The following DLG2 variants were observed in gnomAD, a reference collection of about 807,000 sequenced individuals.
The protein encoded by DLG2 is disks large homolog 2.
Under a neutral mutation model 132.5 loss-of-function variants are expected in DLG2, and 45 were observed. The ratio of observed to expected loss-of-function variants is 0.34; its 90% confidence interval spans 0.27 to 0.44. The LOEUF (loss-of-function observed/expected upper bound fraction) is 0.44, where lower values mean the gene tolerates loss of function less well. Ranked by LOEUF, DLG2 falls within the 20% of genes least tolerant of loss-of-function variation. The probability of loss-of-function intolerance (pLI) is 1.00; values close to 1 mark genes in which losing one functional copy is unlikely to be tolerated. For synonymous variants in DLG2, 424 were observed against 419.6 expected (o/e 1.01, Z -0.13); for missense variants, 1,045 against 1,196.9 (o/e 0.87, Z 1.87).
At chr11:83,467,829 T>A (rs12099211) in intron 25 of DLG2, among the ~76,000 whole-genome samples, 3 of 97,144 alleles carry the variant, frequency 3.1e-5, no homozygotes, top group African/African-American at 9.0e-5. Flanking sequence ...ACATATAAAA[T>A]ATATAATTAA....
At chr11:84,586,028 G>A (rs1229667219) in intron 6 of DLG2, among the ~76,000 whole-genome samples, 1 of 151,980 alleles carries the variant, frequency 6.6e-6, no homozygotes, top group Non-Finnish European at 1.5e-5. Flanking sequence ...GTGCATGCCT[G>A]TAATCCCAGC....
In DLG2 at chr11:84,174,014, C is replaced by CTTTTTTTTTTTTTT. The variant is rs11338428; in HGVS notation, c.574-10517_574-10504dup. On this transcript the variant is annotated intron_variant, in intron 8 of 27. Transcript: ENST00000376104. ...CTGAGTTTTGACTTCACCCCCCGGCCTTTTTTTTTTTTTTTTTTTTTTCTG... is the reference window on the plus strand; with the variant it reads ...CTGAGTTTTGACTTCACCCCCCGGCCTTTTTTTTTTTTTTTTTTTTTTTTTTTTTTTTTTTTCTG... 1.0e-3 allele frequency among the ~76,000 whole-genome samples: 62 copies of CTTTTTTTTTTTTTT among 61,200 alleles called. 8 individuals carry two copies. The highest frequency in any genetic ancestry group is 2.1e-3 in the African/African-American group (33 of 15,360). The allele number at this position is 61,200 out of a possible 152,430, so 40.1% of individuals were successfully genotyped here.
chr11:83,929,518 A>T (rs2079739681), intron 15 of DLG2, among the ~76,000 whole-genome samples: 1 of 152,200 alleles, frequency 6.6e-6, no homozygotes. Context: ...TATCATATAT[A>T]GGCTTTGGAA....
chr11:85,501,950 G>A (rs753336468), intron 3 of DLG2, among the ~76,000 whole-genome samples: 8 of 151,972 alleles, frequency 5.3e-5, no homozygotes, highest in East Asian at 3.9e-4. Context: ...ATCATTCTAC[G>A]ATAAAGACAC....
intron 7 of DLG2, among the ~76,000 whole-genome samples, chr11:84,377,831 A>C (rs77056013): frequency 0.018 from 2,724 of 152,298 alleles, 82 homozygotes; most frequent in South Asian, 0.13. Flanking sequence ...AAATAAATCC[A>C]GAGGTGGAAC....
chr11:85,508,342 G>A (rs1301807072), intron 3 of DLG2, among the ~76,000 whole-genome samples: 1 of 151,942 alleles, frequency 6.6e-6, no homozygotes, highest in Admixed American at 6.6e-5. Flanking sequence ...TCTACACCAT[G>A]TACACTCCTG....
intron 11 of DLG2, among the ~76,000 whole-genome samples, chr11:84,050,792 T>C (rs1202245360): frequency 1.3e-5 from 2 of 151,990 alleles, no homozygotes; most frequent in African/African-American, 2.4e-5. Context: ...CCCCATTTCT[T>C]GTTTTTGTCA....
chr11:83,511,516 C>A (rs532697661), intron 21 of DLG2, among the ~76,000 whole-genome samples: 3 of 152,176 alleles, frequency 2.0e-5, no homozygotes, highest in African/African-American at 7.2e-5. Flanking sequence ...CTGTTACCTC[C>A]ATCATAGGCT....
At chr11:85,099,468 A>G (rs1164367312) in intron 6 of DLG2, among the ~76,000 whole-genome samples, 1 of 152,228 alleles carries the variant, frequency 6.6e-6, no homozygotes. Flanking sequence ...TGATATAGAT[A>G]ATTTATAAGT....
At chr11:84,322,200 A>C (rs1267145939) in intron 7 of DLG2, among the ~76,000 whole-genome samples, 4 of 152,230 alleles carry the variant, frequency 2.6e-5, no homozygotes, top group Non-Finnish European at 4.4e-5. Flanking sequence ...TCTACTTCTC[A>C]GTGTAAAATC....
At chr11:84,552,949 T>C (rs2099404797) in intron 6 of DLG2, among the ~76,000 whole-genome samples, 1 of 152,178 alleles carries the variant, frequency 6.6e-6, no homozygotes, top group Admixed American at 6.5e-5. Context: ...CTTGCTAAAG[T>C]ACTATCTCTT....
chr11:84,648,370 T>C (rs2099677391), intron 6 of DLG2, among the ~76,000 whole-genome samples: 1 of 152,194 alleles, frequency 6.6e-6, no homozygotes, highest in African/African-American at 2.4e-5. Context: ...GGATTCAGAA[T>C]GAATGCTAGT....
chr11:84,918,927 C>CTT (rs2092626731), intron 6 of DLG2, among the ~76,000 whole-genome samples: 1 of 152,120 alleles, frequency 6.6e-6, no homozygotes, highest in South Asian at 2.1e-4. Flanking sequence ...CTACTGTGTA[C>CTT]TTAGCATTGT....
At chr11:85,454,746 T>C (rs2092364985) in intron 3 of DLG2, among the ~76,000 whole-genome samples, 1 of 152,208 alleles carries the variant, frequency 6.6e-6, no homozygotes, top group Non-Finnish European at 1.5e-5. Flanking sequence ...ATCTTCTGAA[T>C]ATTGCTAGCC....
chr11:84,690,431 G>A (rs2057895050), intron 6 of DLG2, among the ~76,000 whole-genome samples: 1 of 150,846 alleles, frequency 6.6e-6, no homozygotes. Context: ...GGAATAAATT[G>A]TATTTAAAAA....
intron 3 of DLG2, among the ~76,000 whole-genome samples, chr11:85,354,081 G>T (rs780348391): frequency 6.6e-6 from 1 of 150,974 alleles, no homozygotes; most frequent in Non-Finnish European, 1.5e-5. Context: ...TGTATGCCTA[G>T]GTCCTCTCGC....
At chr11:85,443,634 C>T (rs1338698953) in intron 3 of DLG2, among the ~76,000 whole-genome samples, 1 of 152,142 alleles carries the variant, frequency 6.6e-6, no homozygotes, top group East Asian at 1.9e-4. Context: ...AATATTGCTC[C>T]ACTTCATAGA....
intron 21 of DLG2, among the ~76,000 whole-genome samples, chr11:83,493,035 C>G (rs963068075): frequency 6.6e-6 from 1 of 152,138 alleles, no homozygotes; most frequent in African/African-American, 2.4e-5. Context: ...CATAATCCAG[C>G]TCTAGCTACC....
intron 18 of DLG2, among the ~76,000 whole-genome samples, chr11:83,633,979 A>G (rs1047186978): frequency 3.3e-5 from 5 of 152,012 alleles, no homozygotes; most frequent in African/African-American, 1.2e-4. Context: ...AAAAACAAAA[A>G]AAAACTCCAT....
Sources: gnomAD v4.1 joint callset for allele counts (sites outside exome capture counted in the v4.1 genomes callset) on GRCh38, gnomAD v4.1.1 for gene constraint, MANE v1.5 for transcripts, NCBI Gene and HGNC (gene_info 2026-07-23, HGNC 2026-07-21) for gene names.